The following SMYD3 variants were observed in gnomAD, a reference collection of about 807,000 sequenced individuals.
The protein encoded by SMYD3 is histone-lysine N-methyltransferase SMYD3.
In SMYD3, 36 loss-of-function variants were observed where a neutral mutation model predicts 57.7. That is an observed-to-expected ratio of 0.62 (90% CI 0.48 to 0.82). SMYD3 has a LOEUF of 0.82. SMYD3 is among the 40% of genes least tolerant of loss of function. SMYD3 has a pLI of 0.00. For missense variants in SMYD3, 515 were observed against 538.8 expected, an observed-to-expected ratio of 0.96 and a Z score of 0.44; for synonymous variants, 211 against 195.0, an observed-to-expected ratio of 1.08 and a Z score of -0.68.
At chr1:246,040,314 AC>A (rs2059846433) in intron 5 of SMYD3, among the ~76,000 whole-genome samples, 1 of 152,124 alleles carries the variant, frequency 6.6e-6, no homozygotes, top group Admixed American at 6.5e-5. Flanking sequence ...TGGCACAGAC[AC>A]CCCACCATCA....
chr1:246,367,480 T>C (rs1344632832), intron 1 of SMYD3, among the ~76,000 whole-genome samples: 1 of 152,204 alleles, frequency 6.6e-6, no homozygotes, highest in Non-Finnish European at 1.5e-5. Context: ...AAAAAGTCGA[T>C]CCAGAACTGG....
At chr1:246,147,253 AG>A (rs149927048) in intron 5 of SMYD3, among the ~76,000 whole-genome samples, 27,416 of 151,998 alleles carry the variant, frequency 0.18, 3,403 homozygotes, top group African/African-American at 0.33. Flanking sequence ...GCTCGCCTTC[AG>A]GAACGGCAGC....
chr1:246,244,020 T>C (rs36112352), intron 5 of SMYD3, among the ~76,000 whole-genome samples: 19 of 127,374 alleles, frequency 1.5e-4, no homozygotes, highest in Non-Finnish European at 2.9e-4. Context: ...TGTACATATA[T>C]GTGTATATAT....
intron 5 of SMYD3, among the ~76,000 whole-genome samples, chr1:245,944,337 C>T (rs932840917): frequency 2.6e-5 from 4 of 152,076 alleles, no homozygotes; most frequent in African/African-American, 9.7e-5. Context: ...CACAAGCATT[C>T]CTATACACCA....
intron 5 of SMYD3, among the ~76,000 whole-genome samples, chr1:245,943,209 G>GT (rs58081595): frequency 0.019 from 2,234 of 115,322 alleles, 70 homozygotes; most frequent in African/African-American, 0.068. Flanking sequence ...CAGGGGCTGA[G>GT]TTTTTTTTTT....
intron 1 of SMYD3, among the ~76,000 whole-genome samples, chr1:246,469,163 G>A (rs1263368726): frequency 6.6e-6 from 1 of 152,154 alleles, no homozygotes; most frequent in Non-Finnish European, 1.5e-5. Context: ...CCACTCACTG[G>A]AGAGGCCTCT....
At chr1:246,061,385 G>C (rs1054339068) in intron 5 of SMYD3, among the ~76,000 whole-genome samples, 4 of 151,926 alleles carry the variant, frequency 2.6e-5, no homozygotes, top group Non-Finnish European at 4.4e-5. Flanking sequence ...GATCAAATGC[G>C]TGGTAGGGAA....
chr1:246,017,665 G>C (rs1042488727), intron 5 of SMYD3, among the ~76,000 whole-genome samples: 1 of 152,060 alleles, frequency 6.6e-6, no homozygotes, highest in African/African-American at 2.4e-5. Flanking sequence ...TTGATCACTA[G>C]GTTAAAGTGT....
At chr1:246,433,555 A>G (rs2067329393) in intron 1 of SMYD3, among the ~76,000 whole-genome samples, 1 of 152,090 alleles carries the variant, frequency 6.6e-6, no homozygotes, top group South Asian at 2.1e-4. Flanking sequence ...CAGCTACTCA[A>G]GAGGTTGAGG....
intron 5 of SMYD3, among the ~76,000 whole-genome samples, chr1:246,258,702 A>C (rs1319149122): frequency 6.6e-6 from 1 of 152,070 alleles, no homozygotes; most frequent in Non-Finnish European, 1.5e-5. Context: ...TGACTTAGTG[A>C]TGTTCATTTT....
At chr1:246,117,132 C>G (rs551679127) in intron 5 of SMYD3, among the ~76,000 whole-genome samples, 25 of 152,210 alleles carry the variant, frequency 1.6e-4, no homozygotes, top group Non-Finnish European at 3.5e-4. Context: ...TCTACACTTG[C>G]TTGTCAGATC....
rs557508071 is a variant in SMYD3, at chr1:246,199,662, C to T, written c.531+127539G>A. On this transcript the variant is annotated intron_variant, in intron 5 of 11. Transcript: ENST00000490107. Reference sequence around the variant, plus strand: ...AAAATTCAGAAGAGCACACCTGATTCGCTGGCTTGGTGGGGTGGATGCTTA... The same window carrying T: ...AAAATTCAGAAGAGCACACCTGATTTGCTGGCTTGGTGGGGTGGATGCTTA... Among the ~76,000 whole-genome samples the T allele has an allele frequency of 1.9e-3, 284 of 152,258 alleles. 1 individual carries two copies. The highest frequency in any genetic ancestry group is 6.5e-3 in the African/African-American group (272 of 41,566).
At chr1:246,420,817 A>G (rs1267672444) in intron 1 of SMYD3, among the ~76,000 whole-genome samples, 2 of 152,222 alleles carry the variant, frequency 1.3e-5, no homozygotes, top group Non-Finnish European at 2.9e-5. Context: ...AGCAGGGCAA[A>G]AAATCATTAG....
intron 10 of SMYD3, among the ~76,000 whole-genome samples, chr1:245,792,273 A>G (rs1230298776): frequency 6.6e-6 from 1 of 152,218 alleles, no homozygotes; most frequent in Non-Finnish European, 1.5e-5. Flanking sequence ...CTCTCATTTT[A>G]CAGATGACAA....
intron 10 of SMYD3, among the ~76,000 whole-genome samples, chr1:245,854,824 G>A (rs1212703037): frequency 6.6e-6 from 1 of 152,138 alleles, no homozygotes; most frequent in Admixed American, 6.5e-5. Context: ...GAGAGTAACT[G>A]GGAAAGCAGA....
In SMYD3 at chr1:246,270,992, T is replaced by C. The variant is rs2064209138; in HGVS notation, c.531+56209A>G. 3.9e-5 allele frequency among the ~76,000 whole-genome samples: 6 copies of C among 152,340 alleles called. No homozygotes were observed. The South Asian group carries it at 1.0e-3, about 26-fold the overall frequency. ...CCCCAACACTTATTTTCTGGGGTTT[T>C]TTAAATAGCAGTCATCCTAATTTGT... is the stretch of plus-strand genomic sequence containing the variant. On this transcript the variant is annotated intron_variant, in intron 5 of 11. Transcript: ENST00000490107.
intron 1 of SMYD3, among the ~76,000 whole-genome samples, chr1:246,414,390 T>C (rs2067023799): frequency 6.6e-6 from 1 of 152,162 alleles, no homozygotes; most frequent in Admixed American, 6.5e-5. Flanking sequence ...GAAGCAAGCA[T>C]TGGACATCCC....
intron 5 of SMYD3, among the ~76,000 whole-genome samples, chr1:245,976,497 G>GGCCCAGGGAAAGCCATCGTCTCTA (rs1387532378): frequency 1.0e-4 from 2 of 19,938 alleles, no homozygotes; most frequent in African/African-American, 4.2e-4. Flanking sequence ...CATCGTCTCC[G>GGCCCAGGGAAAGCCATCGTCTCTA]GCCCAGGGAA....
intron 1 of SMYD3, among the ~76,000 whole-genome samples, chr1:246,362,013 G>A (rs1212033014): frequency 2.0e-5 from 3 of 152,092 alleles, no homozygotes; most frequent in Non-Finnish European, 4.4e-5. Context: ...AGATCTCCAT[G>A]TACTACAGGA....
Sources: allele counts gnomAD v4.1 joint callset (sites outside exome capture counted in the v4.1 genomes callset), GRCh38; gene constraint gnomAD v4.1.1; transcripts MANE v1.5; gene names NCBI Gene and HGNC (gene_info 2026-07-23, HGNC 2026-07-21).